Variants in TMEM39A observed in about 807,000 individuals in gnomAD.
TMEM39A encodes suppressor of SQST-1 aggregates in rpl-43 mutants.
TMEM39A carries 19 observed loss-of-function variants against 51.9 expected under a neutral mutation model. The observed-to-expected ratio is 0.37, with a 90% confidence interval of 0.26 to 0.54. The LOEUF (loss-of-function observed/expected upper bound fraction) is 0.54. Among genes scored for constraint, TMEM39A ranks in the 20% least tolerant of loss-of-function variants. The pLI, the probability that TMEM39A is intolerant of heterozygous loss-of-function variation, is 0.88. For synonymous variants in TMEM39A, 197 were observed against 220.2 expected (o/e 0.89, Z 0.93); for missense variants, 433 against 590.5 (o/e 0.73, Z 2.76).
intron 5 of TMEM39A, among the ~76,000 whole-genome samples, chr3:119,439,544 A>C (rs2081021604): frequency 7.1e-6 from 1 of 141,602 alleles, no homozygotes; most frequent in Admixed American, 7.6e-5. Context: ...TGCACATTGC[A>C]CTCCACCCTG....
intron 3 of TMEM39A, among the ~76,000 whole-genome samples, chr3:119,457,531 G>A (rs994683702): frequency 1.3e-5 from 2 of 152,164 alleles, no homozygotes; most frequent in African/African-American, 2.4e-5. Flanking sequence ...GGCTGACAGG[G>A]ATGGGCCACA....
chr3:119,429,035 A>C lies in TMEM39A; in HGVS notation c.*2946T>G, dbSNP rs1442781782. On this transcript the variant is annotated 3_prime_UTR_variant, in exon 9 of 9. Transcript: ENST00000319172. Reference sequence around the variant, plus strand: ...ATCTGATATCTATTACGTATCTCATACATATTTCTGTTAATGAACACCCTA... The same window carrying C: ...ATCTGATATCTATTACGTATCTCATCCATATTTCTGTTAATGAACACCCTA... Among the ~76,000 whole-genome samples, 2 of 151,950 alleles carry C rather than the reference A, an allele frequency of 1.3e-5. No individual in the cohort carries two copies. Among genetic ancestry groups the C allele is most frequent in the Non-Finnish European group, 2.9e-5 (2 of 67,984 alleles).
Position 119,437,767 on chromosome 3 carries a change from C to A in TMEM39A, c.912G>T (p.Leu304=). ...FSAYYVAFLP[L]CFVKSTQYYD... is the part of the protein sequence containing the mutation. ...GATAACCACTTACCTTCACAAAACACAGGGGGAGAAATGCAACATAGTAGG... is the reference window on the plus strand; with the variant it reads ...GATAACCACTTACCTTCACAAAACAAAGGGGGAGAAATGCAACATAGTAGG... Residue 304 remains leucine, a synonymous_variant, in exon 6 of 9, where the codon CTG becomes CTT. Transcript: ENST00000319172. 6.5e-7 allele frequency: 1 copy of A among 1,545,042 alleles called. No homozygotes were observed. Among genetic ancestry groups the A allele is most frequent in the Non-Finnish European group, 8.8e-7 (1 of 1,140,252 alleles).
At chr3:119,444,874 C>T (rs1474760844) in intron 5 of TMEM39A, among the ~76,000 whole-genome samples, 1 of 152,090 alleles carries the variant, frequency 6.6e-6, no homozygotes, top group Non-Finnish European at 1.5e-5. Context: ...AAACCTTACT[C>T]CTCAGCCTGG....
chr3:119,450,071 T>C (rs555043444), intron 4 of TMEM39A, among the ~76,000 whole-genome samples: 7 of 152,350 alleles, frequency 4.6e-5, no homozygotes, highest in African/African-American at 1.7e-4. Flanking sequence ...GTTTTATCCA[T>C]CTAATTTAGA....
chr3:119,435,367 A>G (rs192027855), intron 7 of TMEM39A: 1 of 985,426 alleles, frequency 1.0e-6, no homozygotes. Flanking sequence ...CAGTTTGCTT[A>G]TCACACAATT....
intron 3 of TMEM39A, among the ~76,000 whole-genome samples, chr3:119,457,676 T>C (rs1178920254): frequency 6.6e-6 from 1 of 152,214 alleles, no homozygotes; most frequent in Non-Finnish European, 1.5e-5. Flanking sequence ...AATTCAGCCA[T>C]TAAAAGGGTA....
chr3:119,457,265 C>A (rs538903143), intron 3 of TMEM39A, among the ~76,000 whole-genome samples: 1 of 152,118 alleles, frequency 6.6e-6, no homozygotes, highest in African/African-American at 2.4e-5. Context: ...CCACCGCGCC[C>A]GGCCTATCAT....
rs2080869204 is a variant in TMEM39A at position 119,429,160 on chromosome 3, C to T, written c.*2821G>A. On this transcript the variant is annotated 3_prime_UTR_variant, in exon 9 of 9. Transcript: ENST00000319172. ...GTGTTTGGCATATAATTGCCCAGTA[C>T]ATAGAAATGAGATGCCTGGCTAGCT... Among the ~76,000 whole-genome samples, 1 of 151,324 alleles carries T rather than the reference C, an allele frequency of 6.6e-6. No individual in the cohort carries two copies. The highest frequency in any genetic ancestry group is 2.1e-4 in the South Asian group (1 of 4,784).
At chr3:119,454,809 A>C (rs1187257021) in intron 3 of TMEM39A, among the ~76,000 whole-genome samples, 1 of 152,152 alleles carries the variant, frequency 6.6e-6, no homozygotes, top group Non-Finnish European at 1.5e-5. Flanking sequence ...CAAAATATTT[A>C]AGTGCCTAAT....
At chr3:119,434,286 A>G (rs1359151110) in intron 8 of TMEM39A, among the ~76,000 whole-genome samples, 2 of 152,104 alleles carry the variant, frequency 1.3e-5, no homozygotes, top group Non-Finnish European at 2.9e-5. Flanking sequence ...TTTTCATGGC[A>G]TTTGTCTGAC....
rs2080996231 is a variant in TMEM39A at position 119,437,959 on chromosome 3, A to G, written c.720T>C (p.Phe240=). 3.1e-6 allele frequency: 5 copies of G among 1,614,150 alleles called. No homozygotes were observed. Among genetic ancestry groups the G allele is most frequent in the East Asian group, 2.2e-5 (1 of 44,878 alleles). The part of the protein sequence containing the change: ...TVGGLAKSKD[F]LSLLLESLKE... Reference sequence around the variant, plus strand: ...TTAGCGACTCCAGCAACAAGGAGAGAAAGTCTTTGGATTTGGCCAAGCCTC... The same window carrying G: ...TTAGCGACTCCAGCAACAAGGAGAGGAAGTCTTTGGATTTGGCCAAGCCTC... Residue 240 remains phenylalanine, a synonymous_variant, in exon 6 of 9, where the codon TTT becomes TTC. Transcript: ENST00000319172.
Position 119,430,968 on chromosome 3 carries a change from G to A in TMEM39A, c.*1013C>T, listed in dbSNP as rs1005058250. The A allele has an allele frequency of 1.3e-5, 2 of 152,048 alleles. No individual in the cohort carries two copies. Among genetic ancestry groups the A allele is most frequent in the African/African-American group, 2.4e-5 (1 of 41,388 alleles). 9.4% of individuals were successfully genotyped at this position (152,048 alleles called of 1,614,324 possible). ...TATATCACCTCCCATAACTTAAAAG[G>A]CTAATACTCATAAACATGAAAGTTC... On this transcript the variant is annotated 3_prime_UTR_variant, in exon 9 of 9. Coordinates refer to ENST00000319172, the MANE Select transcript of TMEM39A (RefSeq NM_018266.3).
intron 4 of TMEM39A, among the ~76,000 whole-genome samples, chr3:119,451,525 G>A (rs77840878): frequency 0.13 from 20,091 of 152,166 alleles, 1,422 homozygotes; most frequent in South Asian, 0.18. Flanking sequence ...GCCTCATTGG[G>A]ATTTACAAAT....
rs367628715 is a variant in TMEM39A, at chr3:119,440,577, G to A, written c.576-2474C>T. ...AGACTTTAGACTAATTCACCCTAAT[G>A]AGAAGCTATTTGAGAACTGAGGGGT... On this transcript the variant is annotated intron_variant, in intron 5 of 8. Coordinates refer to ENST00000319172, the MANE Select transcript of TMEM39A (RefSeq NM_018266.3). Among the ~76,000 whole-genome samples the A allele has an allele frequency of 1.7e-3, 260 of 152,256 alleles. 1 individual carries two copies. Among genetic ancestry groups the A allele is most frequent in the Admixed American group, 4.2e-3 (64 of 15,302 alleles).
Position 119,431,297 on chromosome 3 carries a change from T to C in TMEM39A, c.*684A>G, listed in dbSNP as rs1364473912. 1 of 152,152 alleles carries C rather than the reference T, an allele frequency of 6.6e-6. No individual in the cohort carries two copies. Among genetic ancestry groups the C allele is most frequent in the Non-Finnish European group, 1.5e-5 (1 of 68,022 alleles). 9.4% of individuals were successfully genotyped at this position (152,152 alleles called of 1,614,324 possible). Reference sequence around the variant, plus strand: ...TCTAAAGACTTCCTGTCTGGCAAAGTATTATTTCAAACAACTAAGAGGAAA... The same window carrying C: ...TCTAAAGACTTCCTGTCTGGCAAAGCATTATTTCAAACAACTAAGAGGAAA... On this transcript the variant is annotated 3_prime_UTR_variant, in exon 9 of 9. Transcript: ENST00000319172.
chr3:119,437,074 C>CT (rs2080979746), intron 6 of TMEM39A, 96 bp from the exon 7 acceptor site: 1 of 1,131,032 alleles, frequency 8.8e-7, no homozygotes, highest in African/African-American at 1.5e-5. Flanking sequence ...AAATGCCACA[C>CT]TGAGTCACAC....
chr3:119,439,605 A>G (rs1224625124), intron 5 of TMEM39A, among the ~76,000 whole-genome samples: 1 of 150,922 alleles, frequency 6.6e-6, no homozygotes, highest in Non-Finnish European at 1.5e-5. Flanking sequence ...AAAGATATTT[A>G]GTTATACATT....
chr3:119,435,817 A>G, intron 7 of TMEM39A: 1 of 1,285,794 alleles, frequency 7.8e-7, no homozygotes. Flanking sequence ...GATGTACAGT[A>G]CTAGTACTGT....
Sources: gnomAD v4.1 joint callset for allele counts (sites outside exome capture counted in the v4.1 genomes callset) on GRCh38, gnomAD v4.1.1 for gene constraint, MANE v1.5 for transcripts, NCBI Gene and HGNC (gene_info 2026-07-23, HGNC 2026-07-21) for gene names.